LRTM3: variants seen among roughly 807,000 people sequenced by gnomAD.
The protein encoded by LRTM3 is leucine rich repeat transmembrane protein 3, also known as leucine-rich repeat transmembrane protein 3.
chr13:102,730,927 A>G, the LRTM3 span: 2 of 1,551,274 alleles, frequency 1.3e-6, no homozygotes. Context: ...TGAAACCAGG[A>G]TGAATACAGT....
At chr13:102,737,202 G>A in the LRTM3 span, 4 of 1,550,944 alleles carry the variant, frequency 2.6e-6, no homozygotes, top group Non-Finnish European at 3.5e-6. Context: ...TCTTTCTGTG[G>A]CTTGTATTCT....
the LRTM3 span, among the ~76,000 whole-genome samples, chr13:102,752,812 T>C: frequency 6.6e-6 from 1 of 152,190 alleles, no homozygotes; most frequent in Admixed American, 6.5e-5. Context: ...TGAGGTCATA[T>C]GGGTAGGCCT....
the LRTM3 span, chr13:102,741,806 A>G: frequency 6.4e-7 from 1 of 1,550,412 alleles, no homozygotes. Flanking sequence ...TCTTTGTGCA[A>G]TGAGGAATTC....
At chr13:102,730,705 A>C in the LRTM3 span, 1 of 1,551,980 alleles carries the variant, frequency 6.4e-7, no homozygotes, top group East Asian at 2.4e-5. Context: ...CAATGGAAAG[A>C]CTACCACTTT....
the LRTM3 span, chr13:102,740,550 G>A: frequency 6.5e-7 from 1 of 1,549,258 alleles, no homozygotes; most frequent in Middle Eastern, 1.7e-4. Flanking sequence ...AGTAAGTCTT[G>A]TCTTTTTTTA....
chr13:102,745,116 TAACA>T, the LRTM3 span: 3 of 1,550,728 alleles, frequency 1.9e-6, no homozygotes, highest in Non-Finnish European at 1.7e-6. Context: ...TCTTGTTTGG[TAACA>T]AACAGAATTT....
chr13:102,741,496 T>C, the LRTM3 span: 4 of 1,549,300 alleles, frequency 2.6e-6, no homozygotes, highest in African/African-American at 5.5e-5. Flanking sequence ...CTTTTCCCAA[T>C]ACATGTGAAC....
At chr13:102,748,805 A>G in the LRTM3 span, 3 of 1,550,554 alleles carry the variant, frequency 1.9e-6, no homozygotes, top group African/African-American at 4.1e-5. Flanking sequence ...GTTGACCATG[A>G]AGGATTGTTC....
chr13:102,757,768 A>G, the LRTM3 span, among the ~76,000 whole-genome samples: 2 of 152,176 alleles, frequency 1.3e-5, no homozygotes, highest in Admixed American at 6.5e-5. Context: ...TCACTGTGTC[A>G]CCATACCACA....
chr13:102,733,031 T>G, the LRTM3 span: 5 of 1,551,350 alleles, frequency 3.2e-6, no homozygotes, highest in African/African-American at 6.8e-5. Flanking sequence ...CTCTGTCATA[T>G]CCATGTGTAT....
chr13:102,744,546 C>T, the LRTM3 span: 1 of 1,550,534 alleles, frequency 6.4e-7, no homozygotes, highest in East Asian at 2.4e-5. Context: ...GGCTCTAAAA[C>T]AGTTTCTCTA....
At chr13:102,758,255 C>A in the LRTM3 span, among the ~76,000 whole-genome samples, 1 of 152,138 alleles carries the variant, frequency 6.6e-6, no homozygotes, top group African/African-American at 2.4e-5. Context: ...CAGCTTGGAG[C>A]ATAGCAACAA....
At chr13:102,756,541 G>A in the LRTM3 span, among the ~76,000 whole-genome samples, 8 of 151,706 alleles carry the variant, frequency 5.3e-5, no homozygotes, top group African/African-American at 1.9e-4. Flanking sequence ...AGGTGTGATG[G>A]TGGGTGCCTG....
At chr13:102,742,715 G>C in the LRTM3 span, 784 of 1,550,508 alleles carry the variant, frequency 5.1e-4, no homozygotes, top group Non-Finnish European at 6.6e-4. Context: ...TCTACCTTGG[G>C]GACTTGACCT....
chr13:102,744,205 T>C, the LRTM3 span: 10 of 1,550,572 alleles, frequency 6.4e-6, no homozygotes, highest in Non-Finnish European at 8.7e-6. Flanking sequence ...GCAAAATTCG[T>C]AGTTGCTTTG....
At chr13:102,740,443 A>C in the LRTM3 span, 1 of 1,550,222 alleles carries the variant, frequency 6.5e-7, no homozygotes, top group Non-Finnish European at 8.7e-7. Flanking sequence ...GAGGCATTAA[A>C]TGTTGCAGGA....
chr13:102,738,022 C>A, the LRTM3 span: 4 of 1,550,350 alleles, frequency 2.6e-6, no homozygotes, highest in Non-Finnish European at 3.5e-6. Flanking sequence ...CTCTATCAAC[C>A]TTTTCTTGTC....
chr13:102,738,497 T>C, the LRTM3 span: 1 of 1,550,784 alleles, frequency 6.4e-7, no homozygotes, highest in African/African-American at 1.4e-5. Context: ...CTCTTGCTCT[T>C]TAATGTCCAA....
the LRTM3 span, chr13:102,735,536 T>A: frequency 6.4e-7 from 1 of 1,550,984 alleles, no homozygotes; most frequent in Non-Finnish European, 8.7e-7. Context: ...TCTCTTTTGT[T>A]CTTTACTTTT....
Sources: allele counts gnomAD v4.1 joint callset (sites outside exome capture counted in the v4.1 genomes callset), GRCh38; gene constraint gnomAD v4.1.1; transcripts MANE v1.5; gene names NCBI Gene and HGNC (gene_info 2026-07-23, HGNC 2026-07-21).